SDK1: variants seen among roughly 807,000 people sequenced by gnomAD.
The protein encoded by SDK1 is protein sidekick-1.
SDK1 carries 157 observed loss-of-function variants against 245.5 expected under a neutral mutation model. The ratio of observed to expected loss-of-function variants is 0.64; its 90% CI spans 0.56 to 0.73. The LOEUF is 0.73. Among genes scored for constraint, SDK1 ranks in the 30% least tolerant of loss-of-function variants. The pLI, the probability that SDK1 is intolerant of heterozygous loss-of-function variation, is 0.00. For missense variants in SDK1, 3,583 were observed against 3,002.3 expected (o/e 1.19, Z -4.52); for synonymous variants, 1,647 against 1,278.5 (o/e 1.29, Z -6.15).
chr7:4,149,522 C>T, intron 30 of SDK1, 59 bp downstream of exon 30: 2 of 1,239,462 alleles, frequency 1.6e-6, no homozygotes, highest in Non-Finnish European at 2.1e-6. Context: ...CTCCAGCCAG[C>T]TCCTGTCCAG....
chr7:4,258,867 C>T (rs1291656207), intron 44 of SDK1, among the ~76,000 whole-genome samples: 4 of 152,214 alleles, frequency 2.6e-5, no homozygotes, highest in Non-Finnish European at 5.9e-5. Context: ...TGAAACCTAG[C>T]ACTAAATTTC....
At chr7:3,948,892 C>T (rs1032850067) in intron 5 of SDK1, among the ~76,000 whole-genome samples, 2 of 152,208 alleles carry the variant, frequency 1.3e-5, no homozygotes, top group African/African-American at 4.8e-5. Flanking sequence ...TGTTCAATGA[C>T]CTTTCAGCAT....
At chr7:3,483,191 A>T (rs1562514233) in intron 1 of SDK1, among the ~76,000 whole-genome samples, 1 of 152,226 alleles carries the variant, frequency 6.6e-6, no homozygotes, top group East Asian at 1.9e-4. Flanking sequence ...ACTTTGTTAA[A>T]AACTGACATC....
intron 26 of SDK1, among the ~76,000 whole-genome samples, chr7:4,128,877 G>C (rs1243537940): frequency 2.1e-4 from 25 of 116,390 alleles, no homozygotes; most frequent in South Asian, 1.3e-3. Context: ...GGGGTGGGGT[G>C]CCCTGGAGGA....
intron 1 of SDK1, among the ~76,000 whole-genome samples, chr7:3,475,211 C>T (rs1186173285): frequency 2.0e-5 from 3 of 152,190 alleles, no homozygotes; most frequent in African/African-American, 4.8e-5. Flanking sequence ...CTCCCTCCTG[C>T]TCTTTAGTGT....
At chr7:3,482,578 C>T (rs560774336) in intron 1 of SDK1, among the ~76,000 whole-genome samples, 1 of 152,312 alleles carries the variant, frequency 6.6e-6, no homozygotes, top group East Asian at 1.9e-4. Flanking sequence ...GAAAGCGCTT[C>T]TCTGAGAATT....
intron 22 of SDK1, among the ~76,000 whole-genome samples, chr7:4,092,303 C>G (rs1405782387): frequency 1.3e-5 from 2 of 152,180 alleles, no homozygotes; most frequent in Admixed American, 1.3e-4. Flanking sequence ...TCCCTCTGTG[C>G]TCGCCTACCC....
intron 1 of SDK1, among the ~76,000 whole-genome samples, chr7:3,484,665 C>T (rs535575558): frequency 3.3e-5 from 5 of 152,272 alleles, no homozygotes; most frequent in East Asian, 1.9e-4. Flanking sequence ...CTTTCCTCTC[C>T]CCTGCCCTTC....
chr7:3,912,426 C>T lies in SDK1; in HGVS notation c.848-38497C>T, dbSNP rs369008885. Among the ~76,000 whole-genome samples, 31 of 152,322 alleles carry T rather than the reference C, an allele frequency of 2.0e-4. 1 individual carries two copies. In the East Asian group the frequency reaches 5.4e-3, roughly 27 times the overall value. ...TTTTGCATGACCAAATAAGCAAGTA[C>T]AACACCAGCGTGCCACAGAGTGTGG... is the stretch of plus-strand genomic sequence containing the variant. On this transcript the variant is annotated intron_variant, in intron 5 of 44. Coordinates refer to ENST00000404826, the MANE Select transcript of SDK1 (RefSeq NM_152744.4).
At position 3,354,983 on chromosome 7, in the gene SDK1, G is replaced by C. The variant is rs564425245; in HGVS notation, c.298+53099G>C. On this transcript the variant is annotated intron_variant, in intron 1 of 44. Coordinates refer to ENST00000404826, the MANE Select transcript of SDK1 (RefSeq NM_152744.4). ...TTTACTTTCTTGTGTCTGTGGGGAA[G>C]CTCTAATTATATGATTATAATTAAG... Among the ~76,000 whole-genome samples the C allele has an allele frequency of 5.9e-5, 9 of 152,296 alleles. No homozygotes were observed. The South Asian group carries it at 1.9e-3, about 32-fold the overall frequency.
At chr7:3,949,859 T>G (rs1191709066) in intron 5 of SDK1, among the ~76,000 whole-genome samples, 1 of 152,216 alleles carries the variant, frequency 6.6e-6, no homozygotes, top group Non-Finnish European at 1.5e-5. Flanking sequence ...GGATTGAAAC[T>G]GCAGTAACAG....
chr7:3,435,047 A>C (rs993812798), intron 1 of SDK1, among the ~76,000 whole-genome samples: 13 of 152,224 alleles, frequency 8.5e-5, no homozygotes, highest in African/African-American at 3.1e-4. Context: ...TTATATCCCA[A>C]AAGTACCAAA....
At chr7:3,909,558 G>A (rs1215151691) in intron 5 of SDK1, among the ~76,000 whole-genome samples, 1 of 152,262 alleles carries the variant, frequency 6.6e-6, no homozygotes, top group African/African-American at 2.4e-5. Flanking sequence ...AAAGGGGACA[G>A]TGACGGTGTT....
At chr7:3,857,231 C>G (rs1056736945) in intron 5 of SDK1, among the ~76,000 whole-genome samples, 3 of 151,744 alleles carry the variant, frequency 2.0e-5, no homozygotes, top group Admixed American at 2.0e-4. Flanking sequence ...AAGATGTCTA[C>G]TATTAACATT....
chr7:3,456,080 T>C (rs932080960), intron 1 of SDK1, among the ~76,000 whole-genome samples: 1 of 152,234 alleles, frequency 6.6e-6, no homozygotes, highest in Non-Finnish European at 1.5e-5. Flanking sequence ...CCATGGTTTC[T>C]GTTGAGAAGT....
chr7:3,618,163 A>T (rs1456363197), intron 1 of SDK1, among the ~76,000 whole-genome samples: 3 of 152,178 alleles, frequency 2.0e-5, no homozygotes, highest in African/African-American at 7.2e-5. Flanking sequence ...AAAAAATGTT[A>T]TTGAAACAGA....
Position 4,265,724 on chromosome 7 carries a change from A to G in SDK1, c.*340A>G. 9.3e-7 allele frequency: 1 copy of G among 1,080,798 alleles called. No individual in the cohort carries two copies. The highest frequency in any genetic ancestry group is 1.1e-6 in the Non-Finnish European group (1 of 895,080). 67.0% of individuals were successfully genotyped at this position (1,080,798 alleles called of 1,614,324 possible). A position where few individuals can be genotyped will look rare whatever the true frequency, so the allele number is the denominator to read the frequency against. On this transcript the variant is annotated 3_prime_UTR_variant, in exon 45 of 45. Transcript: ENST00000404826. ...TTCTCCGTCTTCAAGACCAACTAGG[A>G]AGGGTCAAGCGGGGAGAGGGAGTGG...
In SDK1 at chr7:3,571,665, C is replaced by T. The variant is rs182288171; in HGVS notation, c.299-47415C>T. On this transcript the variant is annotated intron_variant, in intron 1 of 44. Coordinates refer to ENST00000404826, the MANE Select transcript of SDK1 (RefSeq NM_152744.4). ...GAATTCAAAGCTCCACATCTTTTAA[C>T]GATTATTACTATTTGATCTAAAACC... Among the ~76,000 whole-genome samples, 268 of 152,156 alleles carry T rather than the reference C, an allele frequency of 1.8e-3. 1 individual carries two copies. The highest frequency in any genetic ancestry group is 6.2e-3 in the African/African-American group (258 of 41,558).
intron 5 of SDK1, among the ~76,000 whole-genome samples, chr7:3,905,490 T>C (rs932726902): frequency 2.6e-5 from 4 of 152,336 alleles, no homozygotes; most frequent in African/African-American, 9.6e-5. Flanking sequence ...TATTCTATTG[T>C]GGATAATCTT....
Sources: allele counts gnomAD v4.1 joint callset (sites outside exome capture counted in the v4.1 genomes callset), GRCh38; gene constraint gnomAD v4.1.1; transcripts MANE v1.5; gene names NCBI Gene and HGNC (gene_info 2026-07-23, HGNC 2026-07-21).